Variants in SMIM7 observed in about 807,000 individuals in gnomAD.
SMIM7 encodes small integral membrane protein 7.
Under a neutral mutation model 13.3 loss-of-function variants are expected in SMIM7, and 12 were observed. The observed-to-expected ratio is 0.90, with a 90% CI of 0.58 to 1.46. SMIM7 has a LOEUF of 1.46. Ranked by LOEUF, SMIM7 falls within the 40% of genes most tolerant of loss-of-function variation. SMIM7 has a pLI of 0.00. For synonymous variants in SMIM7, 36 were observed against 35.8 expected, an observed-to-expected ratio of 1.01 and a Z score of -0.02; for missense variants, 114 against 94.8, an observed-to-expected ratio of 1.20 and a Z score of -0.84.
chr19:16,659,652 C>CA (rs2086646277), intron 2 of SMIM7: 1 of 666,690 alleles, frequency 1.5e-6, no homozygotes, highest in Admixed American at 2.7e-5. Flanking sequence ...CGACCGTTTA[C>CA]AAAGTGGCCC....
At chr19:16,651,833 G>T (rs1344044285) in intron 4 of SMIM7, among the ~76,000 whole-genome samples, 2 of 133,182 alleles carry the variant, frequency 1.5e-5, no homozygotes, top group African/African-American at 2.9e-5. Context: ...CTTCTTCCCT[G>T]CCCCAGGACC....
intron 3 of SMIM7, among the ~76,000 whole-genome samples, chr19:16,658,998 A>G (rs766387117): frequency 1.3e-5 from 2 of 152,162 alleles, no homozygotes; most frequent in Non-Finnish European, 2.9e-5. Context: ...CACACGCTCA[A>G]TTAAAGAGAA....
At position 16,647,091 on chromosome 19, in the gene SMIM7, C is replaced by A; in HGVS notation, c.*155G>T. The A allele has an allele frequency of 1.1e-6, 1 of 887,444 alleles. No homozygotes were observed. The highest frequency in any genetic ancestry group is 2.5e-5 in the East Asian group (1 of 39,742). 55.0% of individuals were successfully genotyped at this position (887,444 alleles called of 1,614,324 possible). A position where few individuals can be genotyped will look rare whatever the true frequency, so the allele number is the denominator to read the frequency against. Reference sequence around the variant, plus strand: ...ACAGGGACGTGGCTGGGAAACCATGCACACCTCGGCGAACACTTTTCCACC... The same window carrying A: ...ACAGGGACGTGGCTGGGAAACCATGAACACCTCGGCGAACACTTTTCCACC... On this transcript the variant is annotated 3_prime_UTR_variant, in exon 5 of 5. Coordinates refer to ENST00000487416, the MANE Select transcript of SMIM7 (RefSeq NM_024104.4).
In SMIM7 at chr19:16,639,953, G is replaced by GT. The variant is rs1012071011; in HGVS notation, c.*137+7142dup. On this transcript the variant is annotated intron_variant and NMD_transcript_variant, in intron 4 of 4. Transcript: ENST00000465250. Reference sequence around the variant, plus strand: ...GTCTCAGGCAATCTTTCGGTTTTTTGTTTTTTTTTTTTTGAGATGGAGTTT... The same window carrying GT: ...GTCTCAGGCAATCTTTCGGTTTTTTGTTTTTTTTTTTTTTGAGATGGAGTTT... The GT allele has an allele frequency of 9.0e-3, 1,274 of 142,344 alleles. 10 individuals carry two copies. The highest frequency in any genetic ancestry group is 0.017 in the African/African-American group (674 of 39,404). The allele number at this position is 142,344 out of a possible 1,614,324, so 8.8% of individuals were successfully genotyped here.
At chr19:16,647,578 G>C (rs929816222) in intron 4 of SMIM7, among the ~76,000 whole-genome samples, 6 of 147,714 alleles carry the variant, frequency 4.1e-5, no homozygotes, top group Non-Finnish European at 8.9e-5. Context: ...GCCTCAACCT[G>C]CTGAGTAGCT....
chr19:16,637,185 A>C (rs754151735), intron 4 of SMIM7, among the ~76,000 whole-genome samples: 3 of 152,308 alleles, frequency 2.0e-5, no homozygotes, highest in South Asian at 2.1e-4. Context: ...TGGTCCGTGG[A>C]CCAGCAGTAT....
In SMIM7 at chr19:16,660,075, CCCT is replaced by C. The variant is rs1299085463; in HGVS notation, c.26+7_26+9del. The C allele has an allele frequency of 6.2e-7, 1 of 1,614,240 alleles. No homozygotes were observed. The highest frequency in any genetic ancestry group is 2.2e-5 in the East Asian group (1 of 44,886). On this transcript the variant is annotated splice_region_variant and intron_variant, in intron 1 of 4. Coordinates refer to ENST00000487416, the MANE Select transcript of SMIM7 (RefSeq NM_024104.4). ...GCTCTCTCTTCCCAGCCTCTGGTCCCCCTAATTACCCGAACAGCAGGATGTCTC... is the reference window on the plus strand; with the variant it reads ...GCTCTCTCTTCCCAGCCTCTGGTCCCAATTACCCGAACAGCAGGATGTCTC...
intron 4 of SMIM7, among the ~76,000 whole-genome samples, chr19:16,632,797 G>A (rs761404233): frequency 2.0e-5 from 3 of 152,152 alleles, no homozygotes; most frequent in Non-Finnish European, 4.4e-5. Context: ...CTCCCAAAGT[G>A]CTGGGATTAC....
chr19:16,635,899 A>ATAT (rs1555703285), intron 4 of SMIM7, among the ~76,000 whole-genome samples: 2,387 of 109,206 alleles, frequency 0.022, 34 homozygotes, highest in Non-Finnish European at 0.03. Context: ...AAAAAAAAAA[A>ATAT]ATATATATAT....
At chr19:16,642,853 T>C (rs1331137108), downstream of SMIM7, among the ~76,000 whole-genome samples, 3 of 144,636 alleles carry the variant, frequency 2.1e-5, no homozygotes, top group Non-Finnish European at 3.0e-5. Flanking sequence ...AGACAGAGTC[T>C]CACTCTGTCA....
At chr19:16,642,612 G>C (rs183221467), downstream of SMIM7, among the ~76,000 whole-genome samples, 148 of 152,224 alleles carry the variant, frequency 9.7e-4, 1 homozygote, top group Non-Finnish European at 1.9e-3. Flanking sequence ...AGGCCAAGGT[G>C]GGAGGTTCGT....
At chr19:16,647,814 A>G (rs952090192) in intron 4 of SMIM7, among the ~76,000 whole-genome samples, 1 of 152,226 alleles carries the variant, frequency 6.6e-6, no homozygotes, top group Non-Finnish European at 1.5e-5. Context: ...TATATACAGG[A>G]ACTTTCGGTA....
intron 4 of SMIM7, 75 bp downstream of exon 4, chr19:16,653,960 A>C (rs1239223979): frequency 1.8e-6 from 2 of 1,129,012 alleles, no homozygotes; most frequent in African/African-American, 3.1e-5. Context: ...AAGACAGAGA[A>C]TGACCATCAG....
downstream of SMIM7, chr19:16,645,387 C>A: frequency 6.6e-6 from 1 of 152,296 alleles, no homozygotes. Flanking sequence ...TGTGAGGGAC[C>A]CAGCCAAGAT....
downstream of SMIM7, chr19:16,644,611 G>C (rs1480541683): frequency 6.6e-6 from 1 of 151,844 alleles, no homozygotes; most frequent in Non-Finnish European, 1.5e-5. Context: ...GCTAATTTTT[G>C]CATTTTTAGT....
intron 3 of SMIM7, among the ~76,000 whole-genome samples, chr19:16,658,596 C>T (rs2086626503): frequency 6.6e-6 from 1 of 152,102 alleles, no homozygotes. Context: ...GCAGAATGTT[C>T]CAATTTTTCA....
downstream of SMIM7, chr19:16,644,897 G>C (rs1344205926): frequency 1.3e-5 from 2 of 152,196 alleles, no homozygotes; most frequent in African/African-American, 4.8e-5. Context: ...AACAACCTTA[G>C]GCACACACTA....
rs767188129 is a variant in SMIM7 at position 16,647,209 on chromosome 19, T to C, written c.*37A>G. On this transcript the variant is annotated 3_prime_UTR_variant, in exon 5 of 5. Coordinates refer to ENST00000487416, the MANE Select transcript of SMIM7 (RefSeq NM_024104.4). ...GGAATGGAGGAATGGAGACTCGGCA[T>C]CCCGGGAAAGTGAGTTCCTGGTTTC... The C allele has an allele frequency of 1.2e-6, 2 of 1,613,636 alleles. No individual in the cohort carries two copies. The highest frequency in any genetic ancestry group is 1.3e-5 in the African/African-American group (1 of 74,896).
intron 4 of SMIM7, chr19:16,636,263 A>C (rs1378883351): frequency 6.6e-6 from 1 of 152,190 alleles, no homozygotes; most frequent in African/African-American, 2.4e-5. Context: ...GAAGGCGAGG[A>C]AAATTTCTCC....
Sources: allele counts gnomAD v4.1 joint callset (sites outside exome capture counted in the v4.1 genomes callset), GRCh38; gene constraint gnomAD v4.1.1; transcripts MANE v1.5; gene names NCBI Gene and HGNC (gene_info 2026-07-23, HGNC 2026-07-21).